Variants in DLGAP1 observed in about 807,000 individuals in gnomAD.
DLGAP1 encodes disks large-associated protein 1.
DLGAP1 carries 11 observed loss-of-function variants against 90.8 expected under a neutral mutation model. That is an observed-to-expected ratio of 0.12 (90% CI 0.08 to 0.20). The LOEUF is 0.20. Ranked by LOEUF, DLGAP1 falls within the 10% of genes least tolerant of loss-of-function variation. The pLI, the probability that DLGAP1 is intolerant of heterozygous loss-of-function variation, is 1.00. For synonymous variants in DLGAP1, 558 were observed against 540.7 expected (o/e 1.03, Z -0.44); for missense variants, 1,050 against 1,333.8 (o/e 0.79, Z 3.31).
intron 7 of DLGAP1, among the ~76,000 whole-genome samples, chr18:3,704,225 A>C (rs1256594113): frequency 1.3e-5 from 2 of 152,118 alleles, no homozygotes; most frequent in African/African-American, 4.8e-5. Context: ...CCTAGAGACC[A>C]TGCTTCCTTT....
chr18:4,372,772 CA>C, intron 1 of DLGAP1, among the ~76,000 whole-genome samples: 1 of 151,676 alleles, frequency 6.6e-6, no homozygotes, highest in Admixed American at 6.6e-5. Context: ...ACTAAAAATA[CA>C]AAAAATTAGC....
At chr18:3,989,132 T>C (rs1346205749) in intron 3 of DLGAP1, among the ~76,000 whole-genome samples, 3 of 152,228 alleles carry the variant, frequency 2.0e-5, no homozygotes, top group African/African-American at 7.2e-5. Context: ...AGGGAGTTGC[T>C]GGCCATGGTT....
chr18:4,127,920 A>T (rs1384451229), intron 2 of DLGAP1, among the ~76,000 whole-genome samples: 1 of 152,216 alleles, frequency 6.6e-6, no homozygotes, highest in Non-Finnish European at 1.5e-5. Flanking sequence ...CAACAGGTTC[A>T]TGTGTCAAAA....
At chr18:4,375,403 T>C (rs1043901934) in intron 1 of DLGAP1, among the ~76,000 whole-genome samples, 2 of 152,174 alleles carry the variant, frequency 1.3e-5, no homozygotes, top group South Asian at 4.1e-4. Flanking sequence ...CATTCAATTA[T>C]ATATTAAGCA....
At chr18:4,348,254 G>C (rs1199596582) in intron 1 of DLGAP1, among the ~76,000 whole-genome samples, 1 of 152,072 alleles carries the variant, frequency 6.6e-6, no homozygotes, top group African/African-American at 2.4e-5. Context: ...GATGCTGAGA[G>C]TGAAGTTTCT....
chr18:3,741,170 A>ATCAC (rs1555649508), intron 6 of DLGAP1, among the ~76,000 whole-genome samples: 2 of 48,342 alleles, frequency 4.1e-5, no homozygotes, highest in African/African-American at 1.9e-4. Context: ...CATCACCACC[A>ATCAC]CATCACCACC....
At chr18:4,033,441 T>C (rs766195251) in intron 2 of DLGAP1, among the ~76,000 whole-genome samples, 1 of 152,176 alleles carries the variant, frequency 6.6e-6, no homozygotes, top group Non-Finnish European at 1.5e-5. Flanking sequence ...ATTTATGTGT[T>C]ACCAAGGCTT....
intron 1 of DLGAP1, among the ~76,000 whole-genome samples, chr18:4,329,883 C>T (rs2080909910): frequency 6.6e-6 from 1 of 151,844 alleles, no homozygotes; most frequent in Admixed American, 6.6e-5. Context: ...ATATTGCAGA[C>T]CCCATAAAAC....
At chr18:4,019,341 C>A (rs567090558) in intron 2 of DLGAP1, among the ~76,000 whole-genome samples, 2 of 151,386 alleles carry the variant, frequency 1.3e-5, no homozygotes, top group Admixed American at 6.6e-5. Flanking sequence ...GTCTTCATAC[C>A]AAAATAGATT....
Position 4,398,523 on chromosome 18 carries a change from C to T in DLGAP1, c.-267+56483G>A, listed in dbSNP as rs144122245. 3.3e-5 allele frequency among the ~76,000 whole-genome samples: 5 copies of T among 152,234 alleles called. No individual in the cohort carries two copies. The East Asian group carries it at 5.8e-4, about 18-fold the overall frequency. On this transcript the variant is annotated intron_variant, in intron 1 of 12. Coordinates refer to ENST00000315677, the MANE Select transcript of DLGAP1 (RefSeq NM_004746.4). The stretch of plus-strand genomic sequence containing the variant: ...TTACCAACTCTCAGTGTAGCAGACC[C>T]GCAGTGTCTATTAACTTAATAGCTA...
At chr18:4,149,327 C>T (rs942726929) in intron 2 of DLGAP1, among the ~76,000 whole-genome samples, 14 of 152,100 alleles carry the variant, frequency 9.2e-5, no homozygotes, top group African/African-American at 2.7e-4. Context: ...AGAATTCACT[C>T]GGATTCCATG....
At chr18:4,178,694 T>C in intron 1 of DLGAP1, among the ~76,000 whole-genome samples, 1 of 152,204 alleles carries the variant, frequency 6.6e-6, no homozygotes, top group East Asian at 1.9e-4. Context: ...TTTATAGTCA[T>C]ATTTTATATT....
intron 3 of DLGAP1, among the ~76,000 whole-genome samples, chr18:3,937,030 A>C (rs892431679): frequency 6.6e-6 from 1 of 152,214 alleles, no homozygotes; most frequent in African/African-American, 2.4e-5. Context: ...AGTGTAATGC[A>C]GGGAAAGAAT....
Position 3,859,207 on chromosome 18 carries a change from CAGA to C in DLGAP1, c.957+19902_957+19904del, listed in dbSNP as rs549897106. Among the ~76,000 whole-genome samples, 24 of 152,176 alleles carry C rather than the reference CAGA, an allele frequency of 1.6e-4. No individual in the cohort carries two copies. The East Asian group carries it at 4.4e-3, about 28-fold the overall frequency. The stretch of plus-strand genomic sequence containing the variant: ...TTCTTTTAAAATAATCTAAAAAACA[CAGA>C]AATGGATGGTATTTTCATTTCATCA... On this transcript the variant is annotated intron_variant, in intron 4 of 12. Transcript: ENST00000315677.
chr18:3,877,282 A>G lies in DLGAP1; in HGVS notation c.957+1830T>C, dbSNP rs79528651. Among the ~76,000 whole-genome samples the G allele has an allele frequency of 4.3e-4, 66 of 152,320 alleles. 3 individuals are homozygous for G. The East Asian group carries it at 0.013, about 29-fold the overall frequency. The stretch of plus-strand genomic sequence containing the variant: ...ATCGCAACTCCAAAAAGGTATAAAA[A>G]AGAAAGAAAAATGAACCTAAGGAAG... On this transcript the variant is annotated intron_variant, in intron 4 of 12. Transcript: ENST00000315677.
chr18:4,346,364 G>C (rs1383568818), intron 1 of DLGAP1, among the ~76,000 whole-genome samples: 1 of 151,822 alleles, frequency 6.6e-6, no homozygotes, highest in Non-Finnish European at 1.5e-5. Flanking sequence ...AGAAGACTGT[G>C]AAAAAAAGAA....
chr18:4,280,082 G>C (rs1471839860), intron 1 of DLGAP1, among the ~76,000 whole-genome samples: 1 of 151,770 alleles, frequency 6.6e-6, no homozygotes, highest in Non-Finnish European at 1.5e-5. Context: ...TGTTAAATAT[G>C]ACATACTGGC....
At chr18:4,030,651 T>A (rs985210747) in intron 2 of DLGAP1, among the ~76,000 whole-genome samples, 6 of 152,228 alleles carry the variant, frequency 3.9e-5, no homozygotes, top group Non-Finnish European at 8.8e-5. Context: ...CTGGGTGCAG[T>A]GGCTCATGCC....
intron 1 of DLGAP1, 133 bp from the exon 2 acceptor site, chr18:4,151,420 T>A (rs1161106046): frequency 1.3e-5 from 2 of 152,164 alleles, no homozygotes; most frequent in South Asian, 2.1e-4. Context: ...TCATAGAAAA[T>A]CTACATGGCC....
Sources: allele counts gnomAD v4.1 joint callset (sites outside exome capture counted in the v4.1 genomes callset), GRCh38; gene constraint gnomAD v4.1.1; transcripts MANE v1.5; gene names NCBI Gene and HGNC (gene_info 2026-07-23, HGNC 2026-07-21).